The following SLC1A3 variants were observed in gnomAD, a reference collection of about 807,000 sequenced individuals.
SLC1A3 encodes solute carrier family 1 member 3.
A neutral mutation model predicts 48.1 loss-of-function variants in SLC1A3; 21 were observed. The ratio of observed to expected loss-of-function variants is 0.44; its 90% confidence interval spans 0.31 to 0.63. The LOEUF (loss-of-function observed/expected upper bound fraction) is 0.63, where lower values mean the gene tolerates loss of function less well. Ranked by LOEUF, SLC1A3 falls within the 20% of genes least tolerant of loss-of-function variation. SLC1A3 has a pLI of 0.08. For missense variants in SLC1A3, 546 were observed against 689.0 expected (o/e 0.79, Z 2.32); for synonymous variants, 239 against 251.4 (o/e 0.95, Z 0.47).
chr5:36,638,390 C>G (rs1293181072), intron 3 of SLC1A3, among the ~76,000 whole-genome samples: 1 of 152,204 alleles, frequency 6.6e-6, no homozygotes, highest in African/African-American at 2.4e-5. Context: ...CTAATGCCCT[C>G]AGCACTTCAT....
At chr5:36,663,256 C>T (rs140470820) in intron 3 of SLC1A3, among the ~76,000 whole-genome samples, 5,138 of 152,150 alleles carry the variant, frequency 0.034, 121 homozygotes, top group Middle Eastern at 0.085. Context: ...CGCTCTGTCC[C>T]CCAGGCTGGA....
intron 3 of SLC1A3, among the ~76,000 whole-genome samples, chr5:36,640,275 A>G (rs1740561772): frequency 6.6e-6 from 1 of 152,180 alleles, no homozygotes; most frequent in African/African-American, 2.4e-5. Context: ...AGTGTCTGCA[A>G]ATTCATTTTA....
At chr5:36,608,013 G>T (rs1739025767) in intron 1 of SLC1A3, among the ~76,000 whole-genome samples, 1 of 152,178 alleles carries the variant, frequency 6.6e-6, no homozygotes, top group South Asian at 2.1e-4. Context: ...CAAGGCATCA[G>T]CTGGGTTCTG....
intron 2 of SLC1A3, among the ~76,000 whole-genome samples, chr5:36,623,014 C>CAAAAAAAAA (rs1158762437): frequency 5.8e-5 from 3 of 51,932 alleles, no homozygotes; most frequent in Non-Finnish European, 8.4e-5. Flanking sequence ...TCCATCATCT[C>CAAAAAAAAA]AAAAAAAAAA....
In SLC1A3 at chr5:36,686,391, A is replaced by C; in HGVS notation, c.*122A>C. The C allele has an allele frequency of 1.2e-6, 1 of 819,966 alleles. No individual in the cohort carries two copies. The highest frequency in any genetic ancestry group is 2.1e-6 in the Non-Finnish European group (1 of 486,002). The allele number at this position is 819,966 out of a possible 1,614,324, so 50.8% of individuals were successfully genotyped here. ...CATCTTCCCTTTCCTCCCTTCTGATAAGACTGGAAAATAGTCCTCCAAAAC... is the reference window on the plus strand; with the variant it reads ...CATCTTCCCTTTCCTCCCTTCTGATCAGACTGGAAAATAGTCCTCCAAAAC... On this transcript the variant is annotated 3_prime_UTR_variant, in exon 10 of 10. Transcript: ENST00000265113.
At chr5:36,620,681 G>A (rs993730042) in intron 2 of SLC1A3, among the ~76,000 whole-genome samples, 5 of 152,148 alleles carry the variant, frequency 3.3e-5, no homozygotes, top group African/African-American at 7.2e-5. Context: ...AACTGTTTGA[G>A]GGGCTTGATA....
chr5:36,619,064 C>T (rs1326133020), intron 2 of SLC1A3, among the ~76,000 whole-genome samples: 1 of 152,180 alleles, frequency 6.6e-6, no homozygotes, highest in Non-Finnish European at 1.5e-5. Flanking sequence ...ATCAGTCACC[C>T]AGGGCTCTCT....
chr5:36,652,523 G>T lies in SLC1A3; in HGVS notation c.320-18506G>T, dbSNP rs143033319. Among the ~76,000 whole-genome samples the T allele has an allele frequency of 2.8e-3, 427 of 152,318 alleles. 1 individual carries two copies. The highest frequency in any genetic ancestry group is 4.8e-3 in the Non-Finnish European group (328 of 68,024). ...AAAAATAGAACAATGTGTGTTTGGT[G>T]TGTTCTTTTCATCCTCTGCATCAAT... On this transcript the variant is annotated intron_variant, in intron 3 of 9. Transcript: ENST00000265113.
chr5:36,680,270 C>A, intron 7 of SLC1A3, 125 bp from the exon 8 acceptor site: 1 of 813,248 alleles, frequency 1.2e-6, no homozygotes, highest in Non-Finnish European at 2.1e-6. Flanking sequence ...TATACAATTG[C>A]TGACTTAGTT....
At chr5:36,622,733 C>G (rs978750842) in intron 2 of SLC1A3, among the ~76,000 whole-genome samples, 1 of 151,936 alleles carries the variant, frequency 6.6e-6, no homozygotes, top group Non-Finnish European at 1.5e-5. Flanking sequence ...TGTTGTTGGC[C>G]GGGCGCATTG....
At chr5:36,671,290 C>T (rs1741987039) in intron 4 of SLC1A3, 57 bp downstream of exon 4, 8 of 1,253,824 alleles carry the variant, frequency 6.4e-6, no homozygotes, top group South Asian at 1.2e-5. Context: ...GACCCTCTTA[C>T]TGGTTACTAT....
chr5:36,675,775 T>C (rs1346102791), intron 5 of SLC1A3, among the ~76,000 whole-genome samples: 2 of 152,224 alleles, frequency 1.3e-5, no homozygotes, highest in Non-Finnish European at 2.9e-5. Context: ...AATGTGTCCA[T>C]AGTATTGACA....
Position 36,597,507 on chromosome 5 carries a change from G to T in SLC1A3, c.-96+829G>T, listed in dbSNP as rs941487938. 2.0e-4 allele frequency among the ~76,000 whole-genome samples: 30 copies of T among 152,130 alleles called. 1 individual carries two copies. Among genetic ancestry groups the T allele is most frequent in the African/African-American group, 6.7e-4 (28 of 41,518 alleles). On this transcript the variant is annotated intron_variant, in intron 1 of 9. Coordinates refer to the SLC1A3 transcript ENST00000680318. ...TCTGCCAGCCTCGGCCTCCCAAAGT[G>T]CTGGGATTACAGGCGTGAGCCACCG...
intron 3 of SLC1A3, among the ~76,000 whole-genome samples, chr5:36,645,406 A>G (rs1358891109): frequency 1.4e-5 from 2 of 138,844 alleles, no homozygotes; most frequent in African/African-American, 5.4e-5. Context: ...GGCTCACTGT[A>G]ACCTCCGCCT....
chr5:36,626,690 G>A (rs1381237582), intron 2 of SLC1A3, among the ~76,000 whole-genome samples: 1 of 152,170 alleles, frequency 6.6e-6, no homozygotes, highest in Non-Finnish European at 1.5e-5. Context: ...CAAAATGTTT[G>A]TTTATTTATA....
chr5:36,663,380 ATTTTTTTTT>A lies in SLC1A3; in HGVS notation c.320-7632_320-7624del, dbSNP rs1156283585. On this transcript the variant is annotated intron_variant, in intron 3 of 9. Coordinates refer to ENST00000265113, the MANE Select transcript of SLC1A3 (RefSeq NM_004172.5). ...ACAGGCATGCTCCACCACGCCCGGC[ATTTTTTTTT>A]TTTTTTTTTTTTTTTTGTATTTTTT... is the stretch of plus-strand genomic sequence containing the variant. Among the ~76,000 whole-genome samples, 177 of 69,338 alleles carry A rather than the reference ATTTTTTTTT, an allele frequency of 2.6e-3. 2 individuals carry two copies. Among genetic ancestry groups the A allele is most frequent in the African/African-American group, 9.9e-3 (164 of 16,578 alleles). The allele number at this position is 69,338 out of a possible 152,430, so 45.5% of individuals were successfully genotyped here. A position where few individuals can be genotyped will look rare whatever the true frequency, so the allele number is the denominator to read the frequency against.
At chr5:36,620,514 T>A (rs914526802) in intron 2 of SLC1A3, among the ~76,000 whole-genome samples, 13 of 152,180 alleles carry the variant, frequency 8.5e-5, no homozygotes, top group Non-Finnish European at 1.9e-4. Flanking sequence ...GGAATCAGAT[T>A]TACTGGGGAG....
At position 36,600,392 on chromosome 5, in the gene SLC1A3, G is replaced by A. The variant is rs369571601; in HGVS notation, c.-96+3714G>A. Among the ~76,000 whole-genome samples, 22 of 152,222 alleles carry A rather than the reference G, an allele frequency of 1.4e-4. 1 individual carries two copies. The highest frequency in any genetic ancestry group is 4.8e-4 in the African/African-American group (20 of 41,526). On this transcript the variant is annotated intron_variant, in intron 1 of 9. Coordinates refer to the SLC1A3 transcript ENST00000680318. The stretch of plus-strand genomic sequence containing the variant: ...TACAATACTGTATTTGCCCAACCTT[G>A]CACCACTCAGGTCTCCTGACCCCCA...
chr5:36,680,515 T>G lies in SLC1A3; in HGVS notation c.1215T>G (p.Tyr405Ter). ...ATINMDGTALYEALAAIFIAQ... is the reference protein window; with the variant it reads ...ATINMDGTAL ...TTAACATGGATGGGACTGCCCTCTA[T>G]GAGGCTTTGGCTGCCATTTTCATTG... The change falls in exon 8 of 10, where the codon TAT becomes TAG. Residue 405 changes from tyrosine (Y) to a stop codon, truncating the protein, a stop_gained. Coordinates refer to ENST00000265113, the MANE Select transcript of SLC1A3 (RefSeq NM_004172.5). LOFTEE classifies it high-confidence loss of function. The G allele has an allele frequency of 6.2e-7, 1 of 1,614,228 alleles. No individual in the cohort carries two copies.
Sources: allele counts gnomAD v4.1 joint callset (sites outside exome capture counted in the v4.1 genomes callset), GRCh38; gene constraint gnomAD v4.1.1; transcripts MANE v1.5; gene names NCBI Gene and HGNC (gene_info 2026-07-23, HGNC 2026-07-21).